Variants in FHIT observed in about 807,000 individuals in gnomAD.
The protein encoded by FHIT is fragile histidine triad diadenosine triphosphatase.
In FHIT, 19 loss-of-function variants were observed where a neutral mutation model predicts 17.9. The ratio of observed to expected loss-of-function variants is 1.06; its 90% CI spans 0.74 to 1.56. The LOEUF (loss-of-function observed/expected upper bound fraction) is 1.56. FHIT is among the 40% of genes most tolerant of loss of function. FHIT has a pLI of 0.00. For missense variants in FHIT, 248 were observed against 189.2 expected, an observed-to-expected ratio of 1.31 and a Z score of -1.82; for synonymous variants, 81 against 69.7, an observed-to-expected ratio of 1.16 and a Z score of -0.81.
rs145609424 is a variant in FHIT at position 60,020,604 on chromosome 3, T to A, written c.104-6452A>T. The stretch of plus-strand genomic sequence containing the variant: ...TCTGTATTCATCTCGACTGCAGATC[T>A]GTGTGTAGTTTAGTGATAAGCAAGG... On this transcript the variant is annotated intron_variant, in intron 5 of 9. Coordinates refer to ENST00000492590, the MANE Select transcript of FHIT (RefSeq NM_002012.4). Among the ~76,000 whole-genome samples the A allele has an allele frequency of 2.9e-3, 440 of 152,312 alleles. 3 individuals carry two copies. Among genetic ancestry groups the A allele is most frequent in the African/African-American group, 1.0e-2 (415 of 41,562 alleles).
At chr3:60,747,502 A>G (rs1164719311) in intron 4 of FHIT, among the ~76,000 whole-genome samples, 1 of 152,272 alleles carries the variant, frequency 6.6e-6, no homozygotes. Context: ...ATAAAAAAAT[A>G]CAATACTTGA....
intron 5 of FHIT, among the ~76,000 whole-genome samples, chr3:60,322,453 C>T (rs913825335): frequency 2.6e-5 from 4 of 152,128 alleles, no homozygotes; most frequent in Non-Finnish European, 4.4e-5. Context: ...ACCTTGGAGG[C>T]CATCTCCAAC....
chr3:60,569,746 T>TAC (rs1559547661), intron 4 of FHIT, among the ~76,000 whole-genome samples: 4,189 of 81,436 alleles, frequency 0.051, 114 homozygotes, highest in African/African-American at 0.076. Flanking sequence ...TATATATATA[T>TAC]ATATATATAT....
chr3:60,580,810 C>T (rs1482249501), intron 4 of FHIT, among the ~76,000 whole-genome samples: 2 of 152,044 alleles, frequency 1.3e-5, no homozygotes, highest in African/African-American at 2.4e-5. Context: ...AGTAATTAGG[C>T]AGGACGCTGG....
intron 5 of FHIT, among the ~76,000 whole-genome samples, chr3:60,400,892 T>A (rs1701633155): frequency 6.6e-6 from 1 of 152,260 alleles, no homozygotes; most frequent in South Asian, 2.1e-4. Context: ...AGTGAGATCA[T>A]TTTATTTTTC....
chr3:60,544,345 T>G (rs1291498148), intron 4 of FHIT, among the ~76,000 whole-genome samples: 2 of 151,934 alleles, frequency 1.3e-5, no homozygotes, highest in Non-Finnish European at 2.9e-5. Context: ...TTTCTAAGGG[T>G]TGATACCTTT....
At chr3:60,738,428 T>A (rs1209914599) in intron 4 of FHIT, among the ~76,000 whole-genome samples, 1 of 152,194 alleles carries the variant, frequency 6.6e-6, no homozygotes, top group Non-Finnish European at 1.5e-5. Flanking sequence ...AGGGACTTTC[T>A]GCAGCCTAAA....
intron 4 of FHIT, among the ~76,000 whole-genome samples, chr3:60,706,441 G>C (rs1299440929): frequency 6.6e-6 from 1 of 152,106 alleles, no homozygotes; most frequent in Non-Finnish European, 1.5e-5. Context: ...CATTAAAAGT[G>C]GAATCATGAT....
chr3:61,092,972 C>T (rs9860640), intron 2 of FHIT, among the ~76,000 whole-genome samples: 8,070 of 152,224 alleles, frequency 0.053, 708 homozygotes, highest in African/African-American at 0.18. Flanking sequence ...CCCTAAACAA[C>T]TCTGTAGCTC....
At chr3:61,176,009 T>A (rs982009804) in intron 2 of FHIT, among the ~76,000 whole-genome samples, 1 of 152,242 alleles carries the variant, frequency 6.6e-6, no homozygotes, top group Non-Finnish European at 1.5e-5. Context: ...CATCTTTGCA[T>A]AAGCAAATCG....
At chr3:60,778,058 T>TTTAG (rs1700265791) in intron 4 of FHIT, among the ~76,000 whole-genome samples, 1 of 152,168 alleles carries the variant, frequency 6.6e-6, no homozygotes, top group South Asian at 2.1e-4. Flanking sequence ...ATTTGACATG[T>TTTAG]TTAGGTACAT....
chr3:60,648,512 G>A (rs1299235377), intron 4 of FHIT, among the ~76,000 whole-genome samples: 2 of 152,018 alleles, frequency 1.3e-5, no homozygotes, highest in Non-Finnish European at 2.9e-5. Context: ...GGGGAGGGTA[G>A]AAGCCTAAAG....
Position 60,647,689 on chromosome 3 carries a change from C to G in FHIT, c.-17-110710G>C, listed in dbSNP as rs74374339. Among the ~76,000 whole-genome samples, 1,282 of 152,282 alleles carry G rather than the reference C, an allele frequency of 8.4e-3. 24 individuals are homozygous for G. Among genetic ancestry groups the G allele is most frequent in the African/African-American group, 0.029 (1,210 of 41,540 alleles). Reference sequence around the variant, plus strand: ...TGCCTCTGATTGCTGGATAACTCTTCAAGACTCCCAGAAACCGATTCTAGC... The same window carrying G: ...TGCCTCTGATTGCTGGATAACTCTTGAAGACTCCCAGAAACCGATTCTAGC... On this transcript the variant is annotated intron_variant, in intron 4 of 9. Transcript: ENST00000492590.
chr3:60,744,142 T>C (rs531316134), intron 4 of FHIT, among the ~76,000 whole-genome samples: 7 of 151,392 alleles, frequency 4.6e-5, no homozygotes, highest in Non-Finnish European at 1.0e-4. Flanking sequence ...TTTCAATGCC[T>C]GGTAAAGCTC....
chr3:60,880,235 G>A (rs1188963646), intron 3 of FHIT, among the ~76,000 whole-genome samples: 1 of 152,110 alleles, frequency 6.6e-6, no homozygotes, highest in Non-Finnish European at 1.5e-5. Flanking sequence ...TCAAAGTACT[G>A]AAGGAAAAAA....
chr3:60,217,077 T>C (rs749175966), intron 5 of FHIT, among the ~76,000 whole-genome samples: 5 of 152,224 alleles, frequency 3.3e-5, no homozygotes, highest in African/African-American at 4.8e-5. Flanking sequence ...AGCATTAGCA[T>C]GTTGAATAAT....
At chr3:61,035,158 T>C (rs1336803854) in intron 3 of FHIT, among the ~76,000 whole-genome samples, 1 of 152,144 alleles carries the variant, frequency 6.6e-6, no homozygotes, top group Non-Finnish European at 1.5e-5. Flanking sequence ...AGAAGCTGCA[T>C]TGAAATGAGG....
intron 7 of FHIT, among the ~76,000 whole-genome samples, chr3:59,975,761 TG>T (rs1708381463): frequency 1.3e-5 from 2 of 152,068 alleles, no homozygotes; most frequent in Admixed American, 1.3e-4. Flanking sequence ...TGTGGGAGCC[TG>T]GTAGGTCCAG....
At chr3:59,918,631 C>A (rs966469686) in intron 8 of FHIT, among the ~76,000 whole-genome samples, 1 of 152,168 alleles carries the variant, frequency 6.6e-6, no homozygotes, top group African/African-American at 2.4e-5. Context: ...GAATAGTAAT[C>A]TTTGAGTAGC....
Sources: allele counts gnomAD v4.1 joint callset (sites outside exome capture counted in the v4.1 genomes callset), GRCh38; gene constraint gnomAD v4.1.1; transcripts MANE v1.5; gene names NCBI Gene and HGNC (gene_info 2026-07-23, HGNC 2026-07-21).